KRABD2: variants seen among roughly 807,000 people sequenced by gnomAD.
The protein encoded by KRABD2 is KRAB domain-containing protein 2.
the KRABD2 span, among the ~76,000 whole-genome samples, chr17:8,363,834 T>TATATAATATATATATATA: frequency 2.4e-4 from 11 of 45,360 alleles, no homozygotes; most frequent in African/African-American, 8.5e-4. Context: ...ATCATACATA[T>TATATAATATATATATATA]ATATATATAT....
chr17:8,376,636 G>A, the KRABD2 span: 36 of 985,582 alleles, frequency 3.7e-5, no homozygotes, highest in Non-Finnish European at 4.1e-5. Context: ...AGGTCAGGAA[G>A]GAGAAAGGGA....
the KRABD2 span, among the ~76,000 whole-genome samples, chr17:8,361,619 G>A: frequency 6.6e-6 from 1 of 152,342 alleles, no homozygotes; most frequent in Admixed American, 6.5e-5. Context: ...GGGCTGTGGT[G>A]CAATCGTAGC....
chr17:8,371,168 A>C, the KRABD2 span: 5 of 340,712 alleles, frequency 1.5e-5, no homozygotes, highest in Non-Finnish European at 2.0e-5. Flanking sequence ...AGACTGTTTC[A>C]AAAAAAAAAA....
the KRABD2 span, chr17:8,369,075 G>A: frequency 6.5e-7 from 1 of 1,539,468 alleles, no homozygotes; most frequent in Non-Finnish European, 8.7e-7. Context: ...TCTGGCAACA[G>A]TTCTCAGATG....
At chr17:8,376,305 C>G in the KRABD2 span, 1 of 1,225,080 alleles carries the variant, frequency 8.2e-7, no homozygotes, top group South Asian at 4.3e-5. Context: ...CATTTACTGA[C>G]TAAAGCAAAG....
chr17:8,363,897 C>A, the KRABD2 span, among the ~76,000 whole-genome samples: 4 of 134,566 alleles, frequency 3.0e-5, no homozygotes, highest in African/African-American at 8.4e-5. Context: ...TAGACAGATT[C>A]TTGCTCTGTT....
At chr17:8,362,148 A>G in the KRABD2 span, among the ~76,000 whole-genome samples, 1 of 152,098 alleles carries the variant, frequency 6.6e-6, no homozygotes, top group Non-Finnish European at 1.5e-5. This position sits in a 1 kb window ranked among gnomAD's most constrained non-coding sequence, Gnocchi z 4.2. Flanking sequence ...CCTGGCTAAC[A>G]TGGTGAAACC....
At chr17:8,361,788 CCTCCAA>C in the KRABD2 span, among the ~76,000 whole-genome samples, 1,338 of 152,262 alleles carry the variant, frequency 8.8e-3, 13 homozygotes, top group Non-Finnish European at 0.013. Context: ...CCTGCCTCAG[CCTCCAA>C]AGTGCTTGGA....
chr17:8,367,720 C>T, the KRABD2 span, among the ~76,000 whole-genome samples: 1 of 151,366 alleles, frequency 6.6e-6, no homozygotes, highest in Admixed American at 6.6e-5. Flanking sequence ...GGCAGAGGAC[C>T]CTGCGGCCTT....
chr17:8,365,574 C>T, the KRABD2 span: 1 of 152,336 alleles, frequency 6.6e-6, no homozygotes, highest in South Asian at 2.1e-4. Flanking sequence ...ACTGCAGAAT[C>T]TGAAAAGAAA....
chr17:8,371,481 C>G, the KRABD2 span: 7 of 1,611,698 alleles, frequency 4.3e-6, no homozygotes, highest in African/African-American at 6.7e-5. Context: ...GGCTAAAGAG[C>G]AGCTTCAGCA....
the KRABD2 span, among the ~76,000 whole-genome samples, chr17:8,367,954 G>A: frequency 2.2e-4 from 25 of 111,758 alleles, no homozygotes; most frequent in Middle Eastern, 4.9e-3. Flanking sequence ...AAAAAGTTAA[G>A]AGCAAAAAAA....
the KRABD2 span, chr17:8,376,209 T>C: frequency 4.7e-5 from 58 of 1,231,258 alleles, no homozygotes; most frequent in Non-Finnish European, 5.6e-5. Flanking sequence ...TTGTCAAAAA[T>C]GTCGCTTACA....
chr17:8,361,616 G>A, the KRABD2 span, among the ~76,000 whole-genome samples: 1 of 152,200 alleles, frequency 6.6e-6, no homozygotes, highest in Admixed American at 6.5e-5. Flanking sequence ...GAAGGGCTGT[G>A]GTGCAATCGT....
At chr17:8,359,810 C>T in the KRABD2 span, 36 of 455,984 alleles carry the variant, frequency 7.9e-5, no homozygotes, top group African/African-American at 3.4e-4. Flanking sequence ...CTGTGTTGAG[C>T]GAGATCCTAA....
chr17:8,374,073 C>A, the KRABD2 span, among the ~76,000 whole-genome samples: 1 of 151,990 alleles, frequency 6.6e-6, no homozygotes, highest in Non-Finnish European at 1.5e-5. Context: ...CCGGCCGCCC[C>A]GTCTGGGAAG....
the KRABD2 span, among the ~76,000 whole-genome samples, chr17:8,366,649 G>C: frequency 6.6e-6 from 1 of 152,166 alleles, no homozygotes; most frequent in Admixed American, 6.5e-5. Flanking sequence ...GGGAAACAGA[G>C]CCCAGTTGGT....
the KRABD2 span, among the ~76,000 whole-genome samples, chr17:8,366,530 A>C: frequency 6.6e-5 from 10 of 152,194 alleles, no homozygotes; most frequent in Admixed American, 6.5e-4. Flanking sequence ...CCAAATTCCA[A>C]CCATACTTTA....
chr17:8,363,900 G>C, the KRABD2 span, among the ~76,000 whole-genome samples: 1 of 124,668 alleles, frequency 8.0e-6, no homozygotes. Context: ...ACAGATTCTT[G>C]CTCTGTTGCC....
Sources: gnomAD v4.1 joint callset for allele counts (sites outside exome capture counted in the v4.1 genomes callset) on GRCh38, gnomAD v4.1.1 for gene constraint, Gnocchi (gnomAD v3.1) non-coding constraint, MANE v1.5 for transcripts, NCBI Gene and HGNC (gene_info 2026-07-23, HGNC 2026-07-21) for gene names.